TCF12: variants seen among roughly 807,000 people sequenced by gnomAD.
The protein encoded by TCF12 is transcription factor 12.
In TCF12, 45 loss-of-function variants were observed where a neutral mutation model predicts 86.0. The observed-to-expected ratio is 0.52, with a 90% CI of 0.41 to 0.67. The LOEUF (loss-of-function observed/expected upper bound fraction) is 0.67. Among genes scored for constraint, TCF12 ranks in the 30% least tolerant of loss-of-function variants. The pLI is 0.00. For synonymous variants in TCF12, 330 were observed against 299.6 expected (o/e 1.10, Z -1.05); for missense variants, 881 against 859.9 (o/e 1.02, Z -0.31).
chr15:57,209,955 A>C (rs182378950), intron 8 of TCF12, among the ~76,000 whole-genome samples: 1 of 152,130 alleles, frequency 6.6e-6, no homozygotes, highest in Non-Finnish European at 1.5e-5. Context: ...CCAAATGGCT[A>C]GTTTTCTCTT....
At chr15:57,154,111 G>T (rs921573233) in intron 5 of TCF12, among the ~76,000 whole-genome samples, 2 of 152,092 alleles carry the variant, frequency 1.3e-5, no homozygotes, top group Non-Finnish European at 2.9e-5. Context: ...AGCCATATCA[G>T]TAATATAATG....
intron 5 of TCF12, among the ~76,000 whole-genome samples, chr15:57,153,612 G>A (rs1464594471): frequency 6.6e-6 from 1 of 152,180 alleles, no homozygotes; most frequent in African/African-American, 2.4e-5. Flanking sequence ...TCTAAAAGAT[G>A]GGAGGAAGGA....
chr15:57,122,183 A>AT (rs34824462), intron 5 of TCF12, among the ~76,000 whole-genome samples: 72,140 of 143,886 alleles, frequency 0.5, 19,012 homozygotes, highest in Non-Finnish European at 0.58. Flanking sequence ...GTCTTGCTTG[A>AT]TTTTTTTTTT....
chr15:57,168,971 G>A (rs1002839944), intron 6 of TCF12, among the ~76,000 whole-genome samples: 2 of 152,088 alleles, frequency 1.3e-5, no homozygotes, highest in Non-Finnish European at 2.9e-5. Flanking sequence ...GCTGGAACCC[G>A]GGAGGCAGAG....
chr15:57,255,895 C>G, intron 16 of TCF12, among the ~76,000 whole-genome samples: 1 of 152,192 alleles, frequency 6.6e-6, no homozygotes, highest in East Asian at 1.9e-4. Context: ...GCCACAGCAA[C>G]TAGCCCAAGC....
intron 3 of TCF12, among the ~76,000 whole-genome samples, chr15:56,949,846 T>C (rs1234852013): frequency 6.6e-6 from 1 of 152,158 alleles, no homozygotes; most frequent in Non-Finnish European, 1.5e-5. Context: ...AGCAGCTACT[T>C]GTGTCTAGAG....
At chr15:56,921,154 T>G (rs1167014512) in intron 3 of TCF12, 56 bp downstream of exon 3, 2 of 1,311,960 alleles carry the variant, frequency 1.5e-6, no homozygotes, top group African/African-American at 1.5e-5. Context: ...TACATTTTAG[T>G]AGAAAAATAG....
At chr15:56,998,599 C>T (rs114264228) in intron 3 of TCF12, among the ~76,000 whole-genome samples, 1,755 of 152,060 alleles carry the variant, frequency 0.012, 31 homozygotes, top group African/African-American at 0.04. Context: ...TAATTGAAGA[C>T]TTCAAAATTC....
intron 3 of TCF12, among the ~76,000 whole-genome samples, chr15:56,949,127 A>C (rs1595810352): frequency 6.6e-6 from 1 of 152,366 alleles, no homozygotes; most frequent in African/African-American, 2.4e-5. Flanking sequence ...TGATTACATT[A>C]AATTGTTTTA....
At chr15:57,183,286 AT>A (rs2056468440) in intron 6 of TCF12, among the ~76,000 whole-genome samples, 1 of 152,170 alleles carries the variant, frequency 6.6e-6, no homozygotes, top group South Asian at 2.1e-4. Flanking sequence ...TTCTGCGTGT[AT>A]GAATATATGT....
chr15:57,077,683 C>T (rs1416044679), intron 4 of TCF12, among the ~76,000 whole-genome samples: 3 of 149,516 alleles, frequency 2.0e-5, no homozygotes, highest in Non-Finnish European at 3.0e-5. Context: ...CTGCCTGCCT[C>T]GGCTTCCCAA....
chr15:57,170,638 ATATAATATATATATTATATAAAATATAT>A (rs2055255207), intron 6 of TCF12, among the ~76,000 whole-genome samples: 1 of 32,884 alleles, frequency 3.0e-5, no homozygotes, highest in African/African-American at 3.8e-4. Context: ...TTATATATAT[ATATAATATATATATTATATAAAATATAT>A]ATATATATAA....
chr15:57,079,287 GT>G (rs1182784180), intron 4 of TCF12, among the ~76,000 whole-genome samples: 11 of 152,096 alleles, frequency 7.2e-5, no homozygotes, highest in Non-Finnish European at 1.5e-4. Flanking sequence ...CTTTGATTGT[GT>G]ACTAGGTGAA....
At chr15:57,180,453 TA>T (rs1194691442) in intron 6 of TCF12, among the ~76,000 whole-genome samples, 1 of 152,216 alleles carries the variant, frequency 6.6e-6, no homozygotes, top group African/African-American at 2.4e-5. Flanking sequence ...CACGTGGTAC[TA>T]TAGCATAAAG....
intron 3 of TCF12, among the ~76,000 whole-genome samples, chr15:56,982,204 G>C (rs1197188270): frequency 1.3e-5 from 2 of 152,018 alleles, no homozygotes; most frequent in African/African-American, 4.8e-5. Flanking sequence ...AAGCTCTTGG[G>C]GCTTATTTTA....
chr15:56,973,882 C>A (rs1353220413), intron 3 of TCF12, among the ~76,000 whole-genome samples: 8 of 152,032 alleles, frequency 5.3e-5, no homozygotes, highest in African/African-American at 1.9e-4. Context: ...TTGTGTTATT[C>A]CTGCCAAAAA....
At chr15:57,081,616 C>T (rs2070665470) in intron 4 of TCF12, among the ~76,000 whole-genome samples, 1 of 152,204 alleles carries the variant, frequency 6.6e-6, no homozygotes, top group Non-Finnish European at 1.5e-5. Flanking sequence ...CAGATCACTA[C>T]AGCCTCTGCC....
chr15:57,063,900 T>C, intron 4 of TCF12, 77 bp downstream of exon 4: 1 of 1,122,890 alleles, frequency 8.9e-7, no homozygotes, highest in Non-Finnish European at 1.3e-6. Context: ...TGCTGTTTCT[T>C]ATGAGAAATG....
chr15:57,124,907 C>T (rs1312700000), intron 5 of TCF12, among the ~76,000 whole-genome samples: 1 of 148,224 alleles, frequency 6.7e-6, no homozygotes, highest in Non-Finnish European at 1.5e-5. Flanking sequence ...CTCCTGACCT[C>T]GTGATCCGCC....
Sources: gnomAD v4.1 joint callset for allele counts (sites outside exome capture counted in the v4.1 genomes callset) on GRCh38, gnomAD v4.1.1 for gene constraint, MANE v1.5 for transcripts, NCBI Gene and HGNC (gene_info 2026-07-23, HGNC 2026-07-21) for gene names.